Variants in SCARB2 observed in about 807,000 individuals in gnomAD.
SCARB2 encodes lysosome membrane protein 2.
Under a neutral mutation model 58.6 loss-of-function variants are expected in SCARB2, and 29 were observed. The observed-to-expected ratio is 0.49, with a 90% CI of 0.37 to 0.67. SCARB2 has a LOEUF of 0.67. Ranked by LOEUF, SCARB2 falls within the 30% of genes least tolerant of loss-of-function variation. The pLI, the probability that SCARB2 is intolerant of heterozygous loss-of-function variation, is 0.00. For synonymous variants in SCARB2, 195 were observed against 210.1 expected, an observed-to-expected ratio of 0.93 and a Z score of 0.62; for missense variants, 488 against 578.5, an observed-to-expected ratio of 0.84 and a Z score of 1.60.
Position 76,163,248 on chromosome 4 carries a change from T to C in SCARB2, c.1375A>G (p.Lys459Glu). 2 of 1,614,212 alleles carry C rather than the reference T, an allele frequency of 1.2e-6. No homozygotes were observed. The highest frequency in any genetic ancestry group is 1.7e-6 in the Non-Finnish European group (2 of 1,180,034). The change falls in exon 11 of 12, where the codon AAA becomes GAA. Residue 459 changes from lysine to glutamate, a missense_variant. Transcript: ENST00000264896. The stretch of plus-strand genomic sequence containing the variant: ...ACCTCATCCATGGATCCCTGTCCTT[T>C]GCATGCAAGCCAGGTAAAAACCAAA... ...FGLVFTWLAC[K>E]GQGSMDEGTA...
chr4:76,179,022 C>T (rs911381682), intron 4 of SCARB2: 2 of 169,700 alleles, frequency 1.2e-5, no homozygotes, highest in African/African-American at 5.1e-5. Context: ...ATCCACTGCA[C>T]TCCAGGGTTT....
intron 1 of SCARB2, among the ~76,000 whole-genome samples, chr4:76,196,515 G>C (rs569175143): frequency 1.3e-5 from 2 of 152,144 alleles, no homozygotes. Context: ...CATGGATGGT[G>C]TATCTTCTGT....
chr4:76,179,418 T>C lies in SCARB2; in HGVS notation c.612+99A>G. 3 of 902,782 alleles carry C rather than the reference T, an allele frequency of 3.3e-6. No individual in the cohort carries two copies. In the South Asian group the frequency reaches 4.0e-5, roughly 12 times the overall value. 55.9% of individuals were successfully genotyped at this position (902,782 alleles called of 1,614,324 possible). A position where few individuals can be genotyped will look rare whatever the true frequency, so the allele number is the denominator to read the frequency against. ...CACACTCTATAAGATAACTTAACTC[T>C]AGGCAATTTCTAGAAGAAACTCAAA... On this transcript the variant is annotated intron_variant, in intron 4 of 11. Transcript: ENST00000264896.
At chr4:76,181,364 A>T (rs1410380398) in intron 2 of SCARB2, among the ~76,000 whole-genome samples, 1 of 151,616 alleles carries the variant, frequency 6.6e-6, no homozygotes, top group African/African-American at 2.4e-5. Flanking sequence ...GTTGAGGGTC[A>T]CCTTGACCGG....
At chr4:76,169,270 T>A (rs1732076155) in intron 8 of SCARB2, among the ~76,000 whole-genome samples, 1 of 151,858 alleles carries the variant, frequency 6.6e-6, no homozygotes, top group Non-Finnish European at 1.5e-5. Flanking sequence ...ATGGTTAGCA[T>A]GGTTTTTGTT....
chr4:76,187,020 T>C (rs895854213), intron 2 of SCARB2, among the ~76,000 whole-genome samples: 5 of 152,194 alleles, frequency 3.3e-5, no homozygotes, highest in East Asian at 1.9e-4. Context: ...AAATTTCTTA[T>C]ACAGCTTGGC....
At chr4:76,232,654 T>C (rs1733513684) in intron 1 of SCARB2, among the ~76,000 whole-genome samples, 2 of 152,192 alleles carry the variant, frequency 1.3e-5, no homozygotes, top group African/African-American at 4.8e-5. Flanking sequence ...CTAAACAAGA[T>C]TGAACATCAT....
At chr4:76,168,717 T>C (rs908701794) in intron 8 of SCARB2, among the ~76,000 whole-genome samples, 1 of 152,244 alleles carries the variant, frequency 6.6e-6, no homozygotes, top group Non-Finnish European at 1.5e-5. Context: ...TTGGGAATCC[T>C]GTTAAAATGC....
At chr4:76,210,247 C>G (rs1163356165) in intron 1 of SCARB2, among the ~76,000 whole-genome samples, 1 of 152,020 alleles carries the variant, frequency 6.6e-6, no homozygotes, top group Non-Finnish European at 1.5e-5. Flanking sequence ...AATGAGGATC[C>G]TTAGGATTTG....
At chr4:76,171,277 G>C (rs979870338) in intron 7 of SCARB2, among the ~76,000 whole-genome samples, 3 of 151,976 alleles carry the variant, frequency 2.0e-5, no homozygotes, top group African/African-American at 7.3e-5. Context: ...GCTTAATAGG[G>C]GCTACTGTCC....
intron 1 of SCARB2, among the ~76,000 whole-genome samples, chr4:76,202,931 T>C (rs1732859229): frequency 6.6e-6 from 1 of 152,194 alleles, no homozygotes; most frequent in African/African-American, 2.4e-5. Context: ...TATAGGACAT[T>C]TGTGTTGCTT....
chr4:76,176,240 T>G (rs1732249228), intron 5 of SCARB2, 197 bp downstream of exon 5: 1 of 610,516 alleles, frequency 1.6e-6, no homozygotes, highest in Admixed American at 3.0e-5. Context: ...ATGATAAATC[T>G]ACAAATCACT....
rs191921278 is a variant in SCARB2 at position 76,190,365 on chromosome 4, T to G, written c.275+5342A>C. Among the ~76,000 whole-genome samples, 728 of 152,200 alleles carry G rather than the reference T, an allele frequency of 4.8e-3. 1 individual carries two copies. The highest frequency in any genetic ancestry group is 7.8e-3 in the Non-Finnish European group (529 of 68,004). On this transcript the variant is annotated intron_variant, in intron 2 of 11. Transcript: ENST00000264896. The stretch of plus-strand genomic sequence containing the variant: ...GAGAGTATCCGAAGTCAGGCAAGTC[T>G]CAGGAGGAGACAGCATTTGCACTAA...
intron 1 of SCARB2, among the ~76,000 whole-genome samples, chr4:76,227,047 T>G (rs1224169314): frequency 3.3e-5 from 5 of 152,158 alleles, no homozygotes; most frequent in Non-Finnish European, 5.9e-5. Context: ...TGACCTTTGT[T>G]ATTTCTTTTC....
In SCARB2 at chr4:76,161,513, C is replaced by A. The variant is rs1731896085; in HGVS notation, c.*200G>T. Reference sequence around the variant, plus strand: ...CATAAAAGAACAATTTCAGAGCCCACATGATTTTATAAAGCTTAATGGCCA... The same window carrying A: ...CATAAAAGAACAATTTCAGAGCCCAAATGATTTTATAAAGCTTAATGGCCA... On this transcript the variant is annotated 3_prime_UTR_variant, in exon 12 of 12. Transcript: ENST00000264896. 1.6e-5 allele frequency: 10 copies of A among 615,702 alleles called. No individual in the cohort carries two copies. Among genetic ancestry groups the A allele is most frequent in the Middle Eastern group, 4.2e-4 (1 of 2,406 alleles). The allele number at this position is 615,702 out of a possible 1,614,324, so 38.1% of individuals were successfully genotyped here.
chr4:76,223,073 G>A (rs968164464), intron 1 of SCARB2, among the ~76,000 whole-genome samples: 1 of 152,198 alleles, frequency 6.6e-6, no homozygotes, highest in South Asian at 2.1e-4. Flanking sequence ...AATATCAAAG[G>A]TAAGGCTTTG....
At chr4:76,231,989 C>A (rs1290032344) in intron 1 of SCARB2, among the ~76,000 whole-genome samples, 1 of 152,120 alleles carries the variant, frequency 6.6e-6, no homozygotes, top group Non-Finnish European at 1.5e-5. Context: ...TGTCCCGTTG[C>A]AAGAGAGAAG....
chr4:76,196,357 T>C (rs1732712792), intron 1 of SCARB2, among the ~76,000 whole-genome samples: 1 of 152,168 alleles, frequency 6.6e-6, no homozygotes, highest in South Asian at 2.1e-4. Context: ...TGTCTCAAAA[T>C]AAATTAACTA....
chr4:76,188,280 G>A (rs1223700422), intron 2 of SCARB2, among the ~76,000 whole-genome samples: 2 of 152,192 alleles, frequency 1.3e-5, no homozygotes, highest in Admixed American at 6.5e-5. Context: ...TGAGGCCAAT[G>A]AGCCTTGTAT....
Sources: allele counts gnomAD v4.1 joint callset (sites outside exome capture counted in the v4.1 genomes callset), GRCh38; gene constraint gnomAD v4.1.1; transcripts MANE v1.5; gene names NCBI Gene and HGNC (gene_info 2026-07-23, HGNC 2026-07-21).